SETBP1: variants seen among roughly 807,000 people sequenced by gnomAD.
SETBP1 encodes SET binding protein 1, also known as SET-binding protein.
SETBP1 carries 9 observed loss-of-function variants against 101.0 expected under a neutral mutation model. The ratio of observed to expected loss-of-function variants is 0.09; its 90% CI spans 0.05 to 0.16. The LOEUF (loss-of-function observed/expected upper bound fraction) is 0.16. Among genes scored for constraint, SETBP1 ranks in the 10% least tolerant of loss-of-function variants. SETBP1 has a pLI of 1.00. For synonymous variants in SETBP1, 818 were observed against 788.5 expected, an observed-to-expected ratio of 1.04 and a Z score of -0.63; for missense variants, 1,858 against 2,033.8, an observed-to-expected ratio of 0.91 and a Z score of 1.66.
chr18:44,782,867 T>G (rs1186147281), intron 2 of SETBP1, among the ~76,000 whole-genome samples: 2 of 152,164 alleles, frequency 1.3e-5, no homozygotes, highest in Non-Finnish European at 2.9e-5. Context: ...TAATTATATC[T>G]TACCACTGGG....
rs1033636462 is a variant in SETBP1, at chr18:45,068,055, C to T, written c.*4357C>T. 1 of 152,134 alleles carries T rather than the reference C, an allele frequency of 6.6e-6. No individual in the cohort carries two copies. The highest frequency in any genetic ancestry group is 1.5e-5 in the Non-Finnish European group (1 of 68,026). 9.4% of individuals were successfully genotyped at this position (152,134 alleles called of 1,614,324 possible). A position where few individuals can be genotyped will look rare whatever the true frequency, so the allele number is the denominator to read the frequency against. On this transcript the variant is annotated 3_prime_UTR_variant, in exon 6 of 6. Coordinates refer to ENST00000649279, the MANE Select transcript of SETBP1 (RefSeq NM_015559.3). ...AAAAATGGGGCACAAGATTGTCTTA[C>T]AAGTCGTGCTGGCTAATTTTTAGTT...
At chr18:44,990,955 A>T (rs961822528) in intron 4 of SETBP1, among the ~76,000 whole-genome samples, 1 of 151,364 alleles carries the variant, frequency 6.6e-6, no homozygotes, top group African/African-American at 2.4e-5. Flanking sequence ...AAAGAAACCA[A>T]AAAAGAAGAA....
chr18:45,063,479 G>A lies in SETBP1; in HGVS notation c.4572G>A (p.Pro1524=), dbSNP rs1027613792. The A allele has an allele frequency of 5.3e-6, 5 of 948,350 alleles. No homozygotes were observed. The East Asian group carries it at 2.1e-4, about 40-fold the overall frequency. The allele number at this position is 948,350 out of a possible 1,614,324, so 58.7% of individuals were successfully genotyped here. ...CCCGGGAGGCGCCGCCCCTGCCCCC[G>A]CCACCGCCGCCGCCCCTGCCGCCAC... ...HMAREAPPLP[P]PPPPPLPPPP... is the part of the protein sequence containing the mutation. Residue 1524 remains proline, a synonymous_variant, in exon 6 of 6, where the codon CCG becomes CCA. Coordinates refer to ENST00000649279, the MANE Select transcript of SETBP1 (RefSeq NM_015559.3).
intron 3 of SETBP1, among the ~76,000 whole-genome samples, chr18:44,895,418 C>G (rs1002807797): frequency 6.6e-6 from 1 of 152,074 alleles, no homozygotes; most frequent in Non-Finnish European, 1.5e-5. Context: ...GTAGAGAGTA[C>G]TATGCATTTT....
intron 5 of SETBP1, among the ~76,000 whole-genome samples, chr18:45,052,381 T>C (rs1007663519): frequency 1.3e-5 from 2 of 152,302 alleles, no homozygotes; most frequent in East Asian, 1.9e-4. Context: ...TACAAAGATA[T>C]GAAGTGTTCA....
chr18:45,035,405 T>C (rs2073377056), intron 4 of SETBP1, among the ~76,000 whole-genome samples: 1 of 152,236 alleles, frequency 6.6e-6, no homozygotes, highest in Non-Finnish European at 1.5e-5. Context: ...ACCATCTAAA[T>C]TATAGAATGT....
chr18:44,878,592 C>T (rs919319015), intron 3 of SETBP1, among the ~76,000 whole-genome samples: 1 of 152,144 alleles, frequency 6.6e-6, no homozygotes, highest in African/African-American at 2.4e-5. Context: ...TCACAAACCA[C>T]CTTTAGAGCT....
chr18:44,715,155 A>G (rs2069435149), intron 2 of SETBP1, among the ~76,000 whole-genome samples: 1 of 152,136 alleles, frequency 6.6e-6, no homozygotes, highest in Admixed American at 6.5e-5. Flanking sequence ...TAAGAAGAGA[A>G]TAGTTGAGTC....
chr18:44,745,481 A>T (rs893433589), intron 2 of SETBP1, among the ~76,000 whole-genome samples: 2 of 152,202 alleles, frequency 1.3e-5, no homozygotes, highest in African/African-American at 2.4e-5. Flanking sequence ...CCAGAAAAAA[A>T]TAAGAGCATT....
At chr18:44,818,215 T>A (rs1299589400) in intron 2 of SETBP1, among the ~76,000 whole-genome samples, 2 of 152,220 alleles carry the variant, frequency 1.3e-5, no homozygotes, top group African/African-American at 4.8e-5. Context: ...GCATTTTTTT[T>A]AATTGGAGAG....
intron 3 of SETBP1, among the ~76,000 whole-genome samples, chr18:44,917,794 G>C (rs531692112): frequency 6.6e-6 from 1 of 152,138 alleles, no homozygotes; most frequent in Non-Finnish European, 1.5e-5. Context: ...CTCAAAGCCC[G>C]TGCATGGCAG....
chr18:44,821,067 G>A (rs778058626), intron 2 of SETBP1, among the ~76,000 whole-genome samples: 1 of 152,186 alleles, frequency 6.6e-6, no homozygotes, highest in Non-Finnish European at 1.5e-5. Flanking sequence ...TATTGACTCT[G>A]GAAACAGCAT....
chr18:44,948,499 TGATAGATA>T (rs11437850), intron 3 of SETBP1, among the ~76,000 whole-genome samples: 2 of 149,854 alleles, frequency 1.3e-5, no homozygotes, highest in South Asian at 2.2e-4. Flanking sequence ...CAAAGATAGA[TGATAGATA>T]GATAGATAGA....
In SETBP1 at chr18:44,851,301, A is replaced by C. The variant is rs1167471750; in HGVS notation, c.487-17929A>C. On this transcript the variant is annotated intron_variant, in intron 2 of 5. Coordinates refer to ENST00000649279, the MANE Select transcript of SETBP1 (RefSeq NM_015559.3). ...GGAGGTGAGTCTTCATTTGGATGGT[A>C]GTGATGTTTATGATCTGGATTGGCA... Among the ~76,000 whole-genome samples, 5 of 152,310 alleles carry C rather than the reference A, an allele frequency of 3.3e-5. No homozygotes were observed. In the East Asian group the frequency reaches 9.6e-4, roughly 29 times the overall value.
intron 4 of SETBP1, among the ~76,000 whole-genome samples, chr18:44,971,483 C>G (rs967301449): frequency 0.014 from 2,206 of 152,262 alleles, 49 homozygotes; most frequent in African/African-American, 0.047. Flanking sequence ...CTAGTTTACA[C>G]TCCCACCAAC....
chr18:44,984,794 T>C (rs1236229979), intron 4 of SETBP1, among the ~76,000 whole-genome samples: 1 of 152,212 alleles, frequency 6.6e-6, no homozygotes, highest in Non-Finnish European at 1.5e-5. Flanking sequence ...ATTTAAAGTT[T>C]ACATGCTTAA....
intron 3 of SETBP1, among the ~76,000 whole-genome samples, chr18:44,934,146 T>C (rs1295359942): frequency 2.8e-5 from 3 of 107,118 alleles, no homozygotes; most frequent in African/African-American, 3.8e-5. Flanking sequence ...TTGTTTTCCC[T>C]TTTTTTTTTT....
intron 3 of SETBP1, among the ~76,000 whole-genome samples, chr18:44,894,820 G>A (rs1016110941): frequency 5.9e-5 from 9 of 151,702 alleles, no homozygotes; most frequent in African/African-American, 1.9e-4. Flanking sequence ...GACAATTTAA[G>A]TCCAATTCAC....
At chr18:44,866,923 G>T (rs987395755) in intron 2 of SETBP1, among the ~76,000 whole-genome samples, 5 of 152,206 alleles carry the variant, frequency 3.3e-5, no homozygotes, top group African/African-American at 1.2e-4. Flanking sequence ...TGGCTCATTT[G>T]ACTAATATTC....
Sources: gnomAD v4.1 joint callset for allele counts (sites outside exome capture counted in the v4.1 genomes callset) on GRCh38, gnomAD v4.1.1 for gene constraint, MANE v1.5 for transcripts, NCBI Gene and HGNC (gene_info 2026-07-23, HGNC 2026-07-21) for gene names.